The following SLCO3A1 variants were observed in gnomAD, a reference collection of about 807,000 sequenced individuals.
The protein encoded by SLCO3A1 is PGE1 transporter.
SLCO3A1 carries 27 observed loss-of-function variants against 63.1 expected under a neutral mutation model. The ratio of observed to expected loss-of-function variants is 0.43; its 90% CI spans 0.32 to 0.59. The LOEUF is 0.59. SLCO3A1 is among the 20% of genes least tolerant of loss of function. The pLI is 0.09. For missense variants in SLCO3A1, 773 were observed against 945.8 expected, an observed-to-expected ratio of 0.82 and a Z score of 2.40; for synonymous variants, 473 against 409.9, an observed-to-expected ratio of 1.15 and a Z score of -1.86.
intron 5 of SLCO3A1, among the ~76,000 whole-genome samples, chr15:92,121,943 C>T (rs551449579): frequency 1.3e-5 from 2 of 152,250 alleles, no homozygotes; most frequent in African/African-American, 4.8e-5. Context: ...AGCGGTGGCA[C>T]CCGTTCTGTG....
intron 2 of SLCO3A1, among the ~76,000 whole-genome samples, chr15:91,989,117 T>C (rs903382283): frequency 2.6e-5 from 4 of 152,208 alleles, no homozygotes; most frequent in Non-Finnish European, 5.9e-5. Flanking sequence ...CACTCGCAGA[T>C]AAGCCCATTG....
intron 2 of SLCO3A1, among the ~76,000 whole-genome samples, chr15:92,080,440 A>G (rs1040211): frequency 0.066 from 10,023 of 151,906 alleles, 748 homozygotes; most frequent in East Asian, 0.26. Context: ...CTATAGAAAA[A>G]GTCTCAGGTC....
intron 2 of SLCO3A1, among the ~76,000 whole-genome samples, chr15:91,934,470 G>A (rs1384908939): frequency 1.3e-5 from 2 of 152,168 alleles, no homozygotes; most frequent in Non-Finnish European, 2.9e-5. Flanking sequence ...AGAATAAAGG[G>A]AAAAGCGGGT....
chr15:91,883,910 A>G lies in SLCO3A1; in HGVS notation c.180+29822A>G, dbSNP rs1312715202. Among the ~76,000 whole-genome samples the G allele has an allele frequency of 6.6e-6, 1 of 152,202 alleles. No individual in the cohort carries two copies. Among genetic ancestry groups the G allele is most frequent in the African/African-American group, 2.4e-5 (1 of 41,464 alleles). On this transcript the variant is annotated intron_variant, in intron 1 of 9. Coordinates refer to ENST00000318445, the MANE Select transcript of SLCO3A1 (RefSeq NM_013272.4). The surrounding 1 kb of genome is among the most constrained non-coding windows in gnomAD (Gnocchi z 4.8). ...CTCACACTGAGATGCTTGCAGAAAC[A>G]TCTCACAAAGCAGGCAACTGAAGGG...
intron 2 of SLCO3A1, among the ~76,000 whole-genome samples, chr15:92,000,360 G>A (rs914234380): frequency 2.6e-5 from 4 of 150,962 alleles, no homozygotes; most frequent in East Asian, 1.9e-4. Context: ...GAGCTGGAGC[G>A]AAAAGGAGGC....
At chr15:91,961,368 C>T (rs1435920089) in intron 2 of SLCO3A1, among the ~76,000 whole-genome samples, 1 of 152,196 alleles carries the variant, frequency 6.6e-6, no homozygotes, top group Non-Finnish European at 1.5e-5. Context: ...CCTGATTTTG[C>T]CTGAAGGGCA....
intron 2 of SLCO3A1, among the ~76,000 whole-genome samples, chr15:91,924,878 T>C (rs1378431412): frequency 6.6e-6 from 1 of 152,242 alleles, no homozygotes; most frequent in Non-Finnish European, 1.5e-5. Context: ...GGTTGGGGCC[T>C]ACAGATATTT....
At chr15:91,911,227 A>C (rs1898475269) in intron 1 of SLCO3A1, among the ~76,000 whole-genome samples, 1 of 152,214 alleles carries the variant, frequency 6.6e-6, no homozygotes, top group Non-Finnish European at 1.5e-5. Flanking sequence ...GTCTCTATGA[A>C]CTGGAAATGA....
intron 2 of SLCO3A1, among the ~76,000 whole-genome samples, chr15:91,982,822 C>T (rs1401434408): frequency 6.6e-6 from 1 of 152,226 alleles, no homozygotes; most frequent in Non-Finnish European, 1.5e-5. Flanking sequence ...GCTGCACGGG[C>T]TTGCCCAAGG....
intron 2 of SLCO3A1, among the ~76,000 whole-genome samples, chr15:91,919,725 G>C (rs1030137422): frequency 6.6e-6 from 1 of 151,854 alleles, no homozygotes; most frequent in Non-Finnish European, 1.5e-5. Context: ...ATGATGGAAT[G>C]GGCTTACTGT....
Position 91,941,418 on chromosome 15 carries a change from G to A in SLCO3A1, c.646+24960G>A. ...CCCAGCAGATCTGTGTCACGGGAGT[G>A]GCGCTGTCACTCGTTGAGGTGGTGG... On this transcript the variant is annotated intron_variant, in intron 2 of 9. Coordinates refer to ENST00000318445, the MANE Select transcript of SLCO3A1 (RefSeq NM_013272.4). This position sits in a 1 kb window ranked among gnomAD's most constrained non-coding sequence, Gnocchi z 4.4. The A allele has an allele frequency of 2.4e-6, 1 of 409,162 alleles. No homozygotes were observed. The highest frequency in any genetic ancestry group is 1.8e-5 in the South Asian group (1 of 56,010). The allele number at this position is 409,162 out of a possible 1,614,324, so 25.3% of individuals were successfully genotyped here.
At chr15:92,171,772 C>T (rs202246693) in intron 10 of SLCO3A1, 31 of 1,547,064 alleles carry the variant, frequency 2.0e-5, no homozygotes, top group African/African-American at 2.7e-5. Flanking sequence ...TCCCTCCTCC[C>T]CCTTTAGGCA....
chr15:92,144,479 T>A (rs1280274059), intron 7 of SLCO3A1, among the ~76,000 whole-genome samples: 5 of 152,248 alleles, frequency 3.3e-5, no homozygotes, highest in Non-Finnish European at 7.3e-5. Context: ...AGTCATTCCT[T>A]TATCTCTGGT....
At chr15:92,137,544 G>A (rs2048075155) in intron 7 of SLCO3A1, among the ~76,000 whole-genome samples, 1 of 107,008 alleles carries the variant, frequency 9.3e-6, no homozygotes. Flanking sequence ...CTGAGGAATT[G>A]CCACACTGAC....
At chr15:91,881,268 A>G (rs113324945) in intron 1 of SLCO3A1, among the ~76,000 whole-genome samples, 5 of 150,352 alleles carry the variant, frequency 3.3e-5, no homozygotes, top group African/African-American at 7.3e-5. Flanking sequence ...ATTGATTTTC[A>G]TTTCGAAAAG....
intron 2 of SLCO3A1, among the ~76,000 whole-genome samples, chr15:91,957,108 A>ATACTATATAG (rs1555417710): frequency 3.6e-4 from 2 of 5,498 alleles, no homozygotes; most frequent in Non-Finnish European, 4.6e-4. Context: ...TATAATATAT[A>ATACTATATAG]TATATATAAT....
At chr15:92,039,589 G>A (rs1445058353) in intron 2 of SLCO3A1, among the ~76,000 whole-genome samples, 1 of 152,184 alleles carries the variant, frequency 6.6e-6, no homozygotes. Flanking sequence ...AGGCTGTGGA[G>A]AAATAGTAAC....
intron 1 of SLCO3A1, among the ~76,000 whole-genome samples, chr15:91,888,800 T>C (rs1018355086): frequency 1.3e-5 from 2 of 151,920 alleles, no homozygotes; most frequent in African/African-American, 4.8e-5. Flanking sequence ...TTGGGCAACA[T>C]AGTGAGACCC....
chr15:92,133,636 G>C (rs1159992164), intron 7 of SLCO3A1, among the ~76,000 whole-genome samples: 1 of 145,312 alleles, frequency 6.9e-6, no homozygotes, highest in Non-Finnish European at 1.5e-5. Context: ...GGGATCTAGG[G>C]TGCGTGTGCC....
Sources: gnomAD v4.1 joint callset for allele counts (sites outside exome capture counted in the v4.1 genomes callset) on GRCh38, gnomAD v4.1.1 for gene constraint, Gnocchi (gnomAD v3.1) non-coding constraint, MANE v1.5 for transcripts, NCBI Gene and HGNC (gene_info 2026-07-23, HGNC 2026-07-21) for gene names.